VPS13A: variants seen among roughly 807,000 people sequenced by gnomAD.
VPS13A encodes the protein vacuolar protein sorting 13 homolog A, also known as intermembrane lipid transfer protein VPS13A.
A neutral mutation model predicts 390.9 loss-of-function variants in VPS13A; 264 were observed. The observed-to-expected ratio is 0.68, with a 90% CI of 0.61 to 0.75. The LOEUF (loss-of-function observed/expected upper bound fraction) is 0.75, where lower values mean the gene tolerates loss of function less well. VPS13A is among the 30% of genes least tolerant of loss of function. The pLI is 0.00. For synonymous variants in VPS13A, 1,231 were observed against 1,227.1 expected (o/e 1.00, Z -0.07); for missense variants, 3,409 against 3,733.9 (o/e 0.91, Z 2.27).
Position 77,212,966 on chromosome 9 carries a change from C to T in VPS13A, c.556-3C>T. On this transcript the variant is annotated splice_polypyrimidine_tract_variant and splice_region_variant and intron_variant, in intron 7 of 71. Transcript: ENST00000360280. The stretch of plus-strand genomic sequence containing the variant: ...TACTGCCATTGTTTTTTTTCCTTTT[C>T]AGACAACTGATCAATACTGGGTTCC... 6.2e-7 allele frequency: 1 copy of T among 1,613,574 alleles called. No homozygotes were observed. Among genetic ancestry groups the T allele is most frequent in the Non-Finnish European group, 8.5e-7 (1 of 1,179,818 alleles).
intron 67 of VPS13A, among the ~76,000 whole-genome samples, chr9:77,380,297 T>A (rs1306840820): frequency 6.6e-6 from 1 of 152,128 alleles, no homozygotes; most frequent in Non-Finnish European, 1.5e-5. Flanking sequence ...TTATCTATTC[T>A]GTTTTTATTT....
chr9:77,340,332 T>G (rs375462012), intron 49 of VPS13A, 50 bp downstream of exon 49: 53 of 1,597,068 alleles, frequency 3.3e-5, no homozygotes, highest in Non-Finnish European at 4.4e-5. Context: ...AATGTTTCTA[T>G]TAACTACTTA....
intron 68 of VPS13A, among the ~76,000 whole-genome samples, chr9:77,394,458 A>G (rs775327284): frequency 6.6e-6 from 1 of 152,166 alleles, no homozygotes; most frequent in Non-Finnish European, 1.5e-5. Context: ...TGTCCCAGCT[A>G]TTTGGGAGAC....
At chr9:77,329,145 A>G (rs1830159577) in intron 45 of VPS13A, among the ~76,000 whole-genome samples, 1 of 152,164 alleles carries the variant, frequency 6.6e-6, no homozygotes, top group African/African-American at 2.4e-5. Flanking sequence ...GGGGATTACA[A>G]TTCAAGATGA....
chr9:77,344,508 A>G (rs1831035061), intron 51 of VPS13A, among the ~76,000 whole-genome samples: 2 of 152,222 alleles, frequency 1.3e-5, no homozygotes, highest in African/African-American at 4.8e-5. Flanking sequence ...CTGTAACACC[A>G]GCACTTTGGG....
intron 58 of VPS13A, 62 bp from the exon 59 acceptor site, chr9:77,360,474 A>G (rs973888984): frequency 1.6e-6 from 2 of 1,254,654 alleles, no homozygotes; most frequent in African/African-American, 1.5e-5. Flanking sequence ...TTCTCATCTA[A>G]TTTTTGTAAT....
At chr9:77,208,359 T>G (rs902587543) in intron 5 of VPS13A, among the ~76,000 whole-genome samples, 3 of 152,070 alleles carry the variant, frequency 2.0e-5, no homozygotes, top group African/African-American at 7.2e-5. Context: ...AATAGGCAAT[T>G]AGAGGAAAAG....
chr9:77,283,368 C>T lies in VPS13A; in HGVS notation c.3132C>T (p.Ser1044=). ...DVIKKLALKL[S]TNEDIITLQI... is the part of the protein sequence containing the mutation. ...TTTTTTTTGCAGCTTTAAAACTATC[C>T]ACAAATGAAGATATCATTACTTTGC... The change falls in exon 30 of 72, where the codon TCC becomes TCT. Residue 1044 remains serine, a synonymous_variant. Coordinates refer to ENST00000360280, the MANE Select transcript of VPS13A (RefSeq NM_033305.3). 6.3e-7 allele frequency: 1 copy of T among 1,592,878 alleles called. No homozygotes were observed. Among genetic ancestry groups the T allele is most frequent in the Non-Finnish European group, 8.6e-7 (1 of 1,162,836 alleles).
chr9:77,326,237 G>GT (rs532395381), intron 45 of VPS13A, among the ~76,000 whole-genome samples: 128 of 151,748 alleles, frequency 8.4e-4, no homozygotes, highest in Non-Finnish European at 1.7e-3. Flanking sequence ...TCTTACTGTA[G>GT]TTTTTTTTAT....
intron 68 of VPS13A, among the ~76,000 whole-genome samples, chr9:77,383,189 TCTAA>T (rs1362663295): frequency 2.6e-5 from 4 of 152,042 alleles, no homozygotes; most frequent in Non-Finnish European, 5.9e-5. Context: ...AAAATATACT[TCTAA>T]CTCTTTCTCT....
rs967086441 is a variant in VPS13A at position 77,315,459 on chromosome 9, C to T, written c.4619C>T (p.Ala1540Val). The change falls in exon 38 of 72, where the codon GCT (alanine) becomes GTT (valine). Residue 1540 changes from alanine (A) to valine (V), a missense_variant. Ala to Val is a moderately conservative substitution (Grantham distance 64). Transcript: ENST00000360280. Reference protein sequence around the residue: ...AVETSVQTWTAKEEVPTQESV... With the variant: ...AVETSVQTWTVKEEVPTQESV... ...GAAACCAGTGTGCAAACATGGACTG[C>T]TAAGGAAGAAGGTTAGTTATTGGCT... is the stretch of plus-strand genomic sequence containing the variant. 10 of 1,613,612 alleles carry T rather than the reference C, an allele frequency of 6.2e-6. No homozygotes were observed. The highest frequency in any genetic ancestry group is 7.6e-6 in the Non-Finnish European group (9 of 1,179,724).
intron 1 of VPS13A, among the ~76,000 whole-genome samples, chr9:77,196,760 T>A (rs1474740582): frequency 1.3e-5 from 2 of 152,172 alleles, no homozygotes; most frequent in African/African-American, 4.8e-5. Flanking sequence ...TGTAGACACT[T>A]GATTTCATAT....
At chr9:77,239,217 C>T (rs568307068) in intron 19 of VPS13A, among the ~76,000 whole-genome samples, 13 of 151,900 alleles carry the variant, frequency 8.6e-5, no homozygotes, top group Non-Finnish European at 1.6e-4. Context: ...GTGGCTCACA[C>T]CTTTGATCCC....
intron 1 of VPS13A, among the ~76,000 whole-genome samples, chr9:77,194,252 A>AGGAGCT (rs1355540261): frequency 6.6e-6 from 1 of 151,902 alleles, no homozygotes; most frequent in Non-Finnish European, 1.5e-5. Context: ...TTGCCAGCAA[A>AGGAGCT]GGAGCTATAG....
rs1331730187 is a variant in VPS13A, at chr9:77,410,562, A to G, written c.9474+2955A>G. 2.0e-5 allele frequency among the ~76,000 whole-genome samples: 3 copies of G among 152,354 alleles called. No individual in the cohort carries two copies. In the East Asian group the frequency reaches 5.8e-4, roughly 29 times the overall value. ...TTCAGGAAACCCACCTCACATGCAGAGACACACATAGGCTCAAAATAAAGG... is the reference window on the plus strand; with the variant it reads ...TTCAGGAAACCCACCTCACATGCAGGGACACACATAGGCTCAAAATAAAGG... On this transcript the variant is annotated intron_variant, in intron 71 of 71. Transcript: ENST00000360280.
At chr9:77,221,433 T>C (rs7029923) in intron 13 of VPS13A, 77 bp downstream of exon 13, 2 of 1,483,514 alleles carry the variant, frequency 1.3e-6, no homozygotes, top group Non-Finnish European at 9.3e-7. Context: ...TGATACTCCC[T>C]ACCTTTCATT....
chr9:77,221,141 A>G, intron 12 of VPS13A, 44 bp from the exon 13 acceptor site: 1 of 1,575,634 alleles, frequency 6.3e-7, no homozygotes, highest in Middle Eastern at 1.7e-4. Flanking sequence ...AATGTTTCAT[A>G]CTGTTGATTT....
intron 31 of VPS13A, among the ~76,000 whole-genome samples, chr9:77,291,590 G>A (rs1202876512): frequency 1.3e-5 from 2 of 152,064 alleles, no homozygotes; most frequent in African/African-American, 2.4e-5. Flanking sequence ...AGGCTGTGTT[G>A]CTCAGATTTT....
At chr9:77,344,858 T>G in intron 51 of VPS13A, 151 bp from the exon 52 acceptor site, 1 of 782,790 alleles carries the variant, frequency 1.3e-6, no homozygotes, top group South Asian at 1.7e-5. Flanking sequence ...GATTATAGAT[T>G]TCCAGAAATG....
Sources: allele counts gnomAD v4.1 joint callset (sites outside exome capture counted in the v4.1 genomes callset), GRCh38; gene constraint gnomAD v4.1.1; transcripts MANE v1.5; gene names NCBI Gene and HGNC (gene_info 2026-07-23, HGNC 2026-07-21).